The following EIF2B3 variants were observed in gnomAD, a reference collection of about 807,000 sequenced individuals.
EIF2B3 encodes the protein translation initiation factor eIF2B subunit gamma.
Under a neutral mutation model 54.1 loss-of-function variants are expected in EIF2B3, and 20 were observed. The ratio of observed to expected loss-of-function variants is 0.37; its 90% CI spans 0.26 to 0.54. EIF2B3 has a LOEUF of 0.54. EIF2B3 is among the 20% of genes least tolerant of loss of function. The probability of loss-of-function intolerance (pLI) is 0.86; values close to 1 mark genes in which losing one functional copy is unlikely to be tolerated. For missense variants in EIF2B3, 448 were observed against 547.8 expected, an observed-to-expected ratio of 0.82 and a Z score of 1.82; for synonymous variants, 153 against 188.1, an observed-to-expected ratio of 0.81 and a Z score of 1.52.
rs182073220 is a variant in EIF2B3 at position 44,975,922 on chromosome 1, C to T, written c.294+2393G>A. On this transcript the variant is annotated intron_variant, in intron 3 of 11. Transcript: ENST00000360403. Reference sequence around the variant, plus strand: ...AGGTGGAGGCTGCAGTGAGGTGGTGCGGTGAGGAGGTGCAGTGGAGGTGGA... The same window carrying T: ...AGGTGGAGGCTGCAGTGAGGTGGTGTGGTGAGGAGGTGCAGTGGAGGTGGA... 3.2e-4 allele frequency among the ~76,000 whole-genome samples: 48 copies of T among 152,036 alleles called. 1 individual carries two copies. The highest frequency in any genetic ancestry group is 2.1e-3 in the East Asian group (11 of 5,174).
chr1:44,958,554 A>G, intron 3 of EIF2B3: 1 of 1,403,792 alleles, frequency 7.1e-7, no homozygotes. Flanking sequence ...TCACTATCCT[A>G]TTATGTCTTT....
intron 10 of EIF2B3, among the ~76,000 whole-genome samples, chr1:44,870,193 AG>A (rs1654922116): frequency 6.6e-6 from 1 of 151,914 alleles, no homozygotes; most frequent in Non-Finnish European, 1.5e-5. Context: ...AGAGAGAGAG[AG>A]AGAGAGAGAG....
At chr1:44,941,395 A>G (rs1240895605) in intron 4 of EIF2B3, 111 bp downstream of exon 4, 2 of 1,304,712 alleles carry the variant, frequency 1.5e-6, no homozygotes, top group East Asian at 2.3e-5. Context: ...CTCCTAGCAC[A>G]GAATCTGTGA....
chr1:44,939,531 T>C (rs564157163), intron 4 of EIF2B3, among the ~76,000 whole-genome samples: 1 of 152,312 alleles, frequency 6.6e-6, no homozygotes, highest in Admixed American at 6.5e-5. Context: ...GTTCTCACCA[T>C]GAAAAATGTT....
Position 44,942,768 on chromosome 1 carries a change from A to G in EIF2B3, c.295-1103T>C, listed in dbSNP as rs116511254. Among the ~76,000 whole-genome samples, 942 of 152,020 alleles carry G rather than the reference A, an allele frequency of 6.2e-3. 12 individuals carry two copies. The highest frequency in any genetic ancestry group is 0.022 in the African/African-American group (899 of 41,468). On this transcript the variant is annotated intron_variant, in intron 3 of 11. Transcript: ENST00000360403. ...CAGATTAATTATAATAAAAACTAAC[A>G]ATGATAACTAATGTTTACTGAATGC...
intron 5 of EIF2B3, among the ~76,000 whole-genome samples, chr1:44,913,092 G>C (rs1189134917): frequency 1.2e-5 from 1 of 82,064 alleles, no homozygotes; most frequent in Non-Finnish European, 2.3e-5. Context: ...TGGTGCAAAA[G>C]CAATTGCGGT....
chr1:44,986,071 G>C (rs1644571476), intron 1 of EIF2B3, among the ~76,000 whole-genome samples: 1 of 152,080 alleles, frequency 6.6e-6, no homozygotes, highest in Admixed American at 6.6e-5. Flanking sequence ...TACCGGTCTG[G>C]TGCTCGCTCA....
chr1:44,920,047 T>A (rs1643708177), intron 5 of EIF2B3, among the ~76,000 whole-genome samples: 1 of 150,816 alleles, frequency 6.6e-6, no homozygotes, highest in East Asian at 1.9e-4. Flanking sequence ...TCTTTTTTTT[T>A]TTTTTCGAGC....
intron 11 of EIF2B3, among the ~76,000 whole-genome samples, chr1:44,854,406 T>C (rs1654375094): frequency 1.3e-5 from 2 of 151,786 alleles, no homozygotes; most frequent in African/African-American, 2.4e-5. Flanking sequence ...AATGAGAGTA[T>C]TGGGATGGGG....
At chr1:44,879,504 G>GTAAGTACTGCAGATATCCCCATGCTGAA (rs576227741) in intron 8 of EIF2B3, among the ~76,000 whole-genome samples, 62 of 152,274 alleles carry the variant, frequency 4.1e-4, no homozygotes, top group African/African-American at 1.3e-3. Context: ...TTATTATGAA[G>GTAAGTACTGCAGATATCCCCATGCTGAA]TAAGTACTGC....
At chr1:44,913,884 T>C (rs1203051156) in intron 5 of EIF2B3, among the ~76,000 whole-genome samples, 1 of 148,056 alleles carries the variant, frequency 6.8e-6, no homozygotes, top group Non-Finnish European at 1.5e-5. Context: ...TGGAGTGCAA[T>C]GGCACAATCT....
intron 4 of EIF2B3, among the ~76,000 whole-genome samples, chr1:44,931,655 G>A (rs563938659): frequency 2.6e-5 from 4 of 152,318 alleles, no homozygotes; most frequent in Middle Eastern, 3.4e-3. Flanking sequence ...AGCCATGACC[G>A]AGTTGGGTTT....
chr1:44,964,923 G>A (rs1383225585), intron 3 of EIF2B3, among the ~76,000 whole-genome samples: 2 of 152,176 alleles, frequency 1.3e-5, no homozygotes, highest in Non-Finnish European at 2.9e-5. Context: ...TGTTCTCGAG[G>A]AATAATCGCA....
chr1:44,961,081 A>G (rs1354102840), intron 3 of EIF2B3, among the ~76,000 whole-genome samples: 1 of 151,968 alleles, frequency 6.6e-6, no homozygotes, highest in Non-Finnish European at 1.5e-5. Context: ...TACACTTGTC[A>G]TCCTAGCAGT....
chr1:44,962,513 G>A (rs886646269), intron 3 of EIF2B3, among the ~76,000 whole-genome samples: 1 of 152,014 alleles, frequency 6.6e-6, no homozygotes, highest in Non-Finnish European at 1.5e-5. Flanking sequence ...TGGGCTCAGG[G>A]GATCCTCCCT....
intron 11 of EIF2B3, among the ~76,000 whole-genome samples, chr1:44,856,440 A>T (rs1250049069): frequency 6.6e-6 from 1 of 151,196 alleles, no homozygotes; most frequent in African/African-American, 2.4e-5. Flanking sequence ...ACCTGGATCC[A>T]GGAGGAGGAG....
chr1:44,959,759 A>G (rs184161295), intron 3 of EIF2B3, among the ~76,000 whole-genome samples: 7 of 152,312 alleles, frequency 4.6e-5, no homozygotes, highest in African/African-American at 1.7e-4. Context: ...TTAAAGCATG[A>G]GCATTTTATT....
intron 3 of EIF2B3, chr1:44,958,547 C>T (rs1308797992): frequency 2.2e-6 from 3 of 1,385,836 alleles, no homozygotes; most frequent in South Asian, 1.2e-5. Context: ...GGAGACCTCA[C>T]TATCCTATTA....
intron 4 of EIF2B3, among the ~76,000 whole-genome samples, chr1:44,935,114 C>T (rs1643933720): frequency 6.6e-6 from 1 of 152,190 alleles, no homozygotes; most frequent in Admixed American, 6.5e-5. Context: ...GGAAATACTA[C>T]AGTGAATTGG....
Sources: allele counts gnomAD v4.1 joint callset (sites outside exome capture counted in the v4.1 genomes callset), GRCh38; gene constraint gnomAD v4.1.1; transcripts MANE v1.5; gene names NCBI Gene and HGNC (gene_info 2026-07-23, HGNC 2026-07-21).